The following PGCKA1 variants were observed in gnomAD, a reference collection of about 807,000 sequenced individuals.
PGCKA1 encodes PDCD10 and GCKIII kinases-associated protein 1.
At chr4:37,533,076 C>A in the PGCKA1 span, among the ~76,000 whole-genome samples, 4 of 98,886 alleles carry the variant, frequency 4.0e-5, no homozygotes. Context: ...TAACCAGATA[C>A]CACCTGTACA....
the PGCKA1 span, among the ~76,000 whole-genome samples, chr4:37,541,759 C>T: frequency 1.3e-5 from 2 of 152,270 alleles, no homozygotes; most frequent in East Asian, 1.9e-4. Context: ...AGAGCTCACC[C>T]CTCTTTTCCA....
the PGCKA1 span, among the ~76,000 whole-genome samples, chr4:37,495,893 A>C: frequency 6.6e-6 from 1 of 152,122 alleles, no homozygotes; most frequent in African/African-American, 2.4e-5. Context: ...GTCCTCTGCC[A>C]ACTTTTTAAT....
chr4:37,456,694 TG>T, the PGCKA1 span, among the ~76,000 whole-genome samples: 1 of 152,206 alleles, frequency 6.6e-6, no homozygotes, highest in Non-Finnish European at 1.5e-5. Flanking sequence ...GATGAGTTTC[TG>T]GGGACACAGT....
chr4:37,502,668 A>G, the PGCKA1 span, among the ~76,000 whole-genome samples: 1 of 151,980 alleles, frequency 6.6e-6, no homozygotes, highest in Non-Finnish European at 1.5e-5. Flanking sequence ...GGCAAAATCT[A>G]CCCTCATATT....
chr4:37,554,172 G>GT, the PGCKA1 span, among the ~76,000 whole-genome samples: 3,678 of 152,240 alleles, frequency 0.024, 142 homozygotes, highest in African/African-American at 0.081. Flanking sequence ...CTCCTGACAT[G>GT]TAAGATGTGC....
chr4:37,471,494 G>A, the PGCKA1 span, among the ~76,000 whole-genome samples: 11 of 152,230 alleles, frequency 7.2e-5, no homozygotes, highest in African/African-American at 2.4e-4. Flanking sequence ...ATATATAAAC[G>A]TAATTTTATT....
the PGCKA1 span, among the ~76,000 whole-genome samples, chr4:37,474,827 C>T: frequency 6.6e-6 from 1 of 152,124 alleles, no homozygotes; most frequent in Non-Finnish European, 1.5e-5. Flanking sequence ...TAGCTATTTT[C>T]ACATTAAATT....
chr4:37,531,891 C>CAAAAAAA, the PGCKA1 span, among the ~76,000 whole-genome samples: 1 of 70,932 alleles, frequency 1.4e-5, no homozygotes, highest in Non-Finnish European at 3.1e-5. Context: ...GAATCTGTCT[C>CAAAAAAA]AAAAAAAAAA....
the PGCKA1 span, among the ~76,000 whole-genome samples, chr4:37,561,927 AAC>A: frequency 6.6e-6 from 1 of 152,208 alleles, no homozygotes; most frequent in Admixed American, 6.5e-5. Flanking sequence ...AAGCTTATCT[AAC>A]ACACACATTT....
chr4:37,495,561 G>C, the PGCKA1 span, among the ~76,000 whole-genome samples: 1 of 152,132 alleles, frequency 6.6e-6, no homozygotes, highest in South Asian at 2.1e-4. Context: ...CCTTTGCAGG[G>C]ACATGGATGA....
At chr4:37,588,279 C>G in the PGCKA1 span, 2 of 152,452 alleles carry the variant, frequency 1.3e-5, no homozygotes, top group Non-Finnish European at 2.9e-5. Flanking sequence ...GTAGGAAAAG[C>G]AACACAGAAT....
At chr4:37,482,150 G>A in the PGCKA1 span, among the ~76,000 whole-genome samples, 44 of 152,192 alleles carry the variant, frequency 2.9e-4, no homozygotes, top group Admixed American at 5.2e-4. Context: ...AAATTGATAC[G>A]GGGTAGTGAG....
the PGCKA1 span, among the ~76,000 whole-genome samples, chr4:37,573,364 T>C: frequency 6.6e-6 from 1 of 152,194 alleles, no homozygotes; most frequent in Admixed American, 6.5e-5. Context: ...AGACAAGGAC[T>C]CTGTGAGCAA....
the PGCKA1 span, among the ~76,000 whole-genome samples, chr4:37,498,778 G>C: frequency 6.6e-6 from 1 of 152,274 alleles, no homozygotes; most frequent in East Asian, 1.9e-4. Context: ...TTTGCAAACA[G>C]GGATAGTTTG....
the PGCKA1 span, among the ~76,000 whole-genome samples, chr4:37,482,604 G>A: frequency 6.6e-6 from 1 of 152,184 alleles, no homozygotes; most frequent in Non-Finnish European, 1.5e-5. Context: ...TGGGGAGAAA[G>A]TCAAGCCAGC....
At chr4:37,505,631 A>T in the PGCKA1 span, among the ~76,000 whole-genome samples, 1 of 152,164 alleles carries the variant, frequency 6.6e-6, no homozygotes, top group South Asian at 2.1e-4. Flanking sequence ...GCAAAGAGAG[A>T]GCTTGCTCAG....
At chr4:37,590,941 G>A in the PGCKA1 span, 3 of 1,614,174 alleles carry the variant, frequency 1.9e-6, no homozygotes, top group Non-Finnish European at 2.5e-6. Context: ...AGCGGTGGCG[G>A]AGGCCCTTGC....
the PGCKA1 span, among the ~76,000 whole-genome samples, chr4:37,482,649 G>A: frequency 6.6e-6 from 1 of 152,188 alleles, no homozygotes; most frequent in Non-Finnish European, 1.5e-5. Context: ...GGAGCCAAAT[G>A]TTAATCACCA....
At chr4:37,460,810 C>A in the PGCKA1 span, 1 of 339,830 alleles carries the variant, frequency 2.9e-6, no homozygotes, top group African/African-American at 2.2e-5. Flanking sequence ...ATGATAGTTT[C>A]TTTTGCTGTG....
Sources: allele counts gnomAD v4.1 joint callset (sites outside exome capture counted in the v4.1 genomes callset), GRCh38; gene constraint gnomAD v4.1.1; transcripts MANE v1.5; gene names NCBI Gene and HGNC (gene_info 2026-07-23, HGNC 2026-07-21).